The following PAPOLA variants were observed in gnomAD, a reference collection of about 807,000 sequenced individuals.
PAPOLA encodes the protein poly(A) polymerase alpha, also known as polynucleotide adenylyltransferase alpha.
Under a neutral mutation model 100.6 loss-of-function variants are expected in PAPOLA, and 15 were observed. That is an observed-to-expected ratio of 0.15 (90% CI 0.10 to 0.23). PAPOLA has a LOEUF of 0.23. Among genes scored for constraint, PAPOLA ranks in the 10% least tolerant of loss-of-function variants. The pLI is 1.00. For missense variants in PAPOLA, 533 were observed against 884.2 expected, an observed-to-expected ratio of 0.60 and a Z score of 5.04; for synonymous variants, 293 against 300.0, an observed-to-expected ratio of 0.98 and a Z score of 0.24.
At chr14:96,514,125 A>G (rs1897277398) in intron 1 of PAPOLA, among the ~76,000 whole-genome samples, 1 of 151,640 alleles carries the variant, frequency 6.6e-6, no homozygotes, top group Admixed American at 6.6e-5. Flanking sequence ...TGAATGTATG[A>G]CCATTAAACT....
chr14:96,546,250 T>G (rs1488568928), intron 15 of PAPOLA, among the ~76,000 whole-genome samples: 2 of 152,148 alleles, frequency 1.3e-5, no homozygotes, highest in East Asian at 3.8e-4. Flanking sequence ...ACATTGAGGT[T>G]TCTGCTACTT....
intron 4 of PAPOLA, among the ~76,000 whole-genome samples, chr14:96,525,612 G>A (rs951068674): frequency 1.3e-5 from 2 of 152,146 alleles, no homozygotes; most frequent in African/African-American, 2.4e-5. Flanking sequence ...TTAGCTTAGT[G>A]TGGTGACTCA....
At chr14:96,510,850 G>A (rs1002662348) in intron 1 of PAPOLA, among the ~76,000 whole-genome samples, 1 of 152,174 alleles carries the variant, frequency 6.6e-6, no homozygotes, top group African/African-American at 2.4e-5. Flanking sequence ...CGATAATCTT[G>A]CCTGTAAGCT....
At chr14:96,519,479 G>A (rs972968974) in intron 1 of PAPOLA, among the ~76,000 whole-genome samples, 11 of 152,198 alleles carry the variant, frequency 7.2e-5, no homozygotes, top group African/African-American at 2.7e-4. Context: ...ATAGCTGTGT[G>A]TGTGTAAAAT....
Position 96,552,524 on chromosome 14 carries a change from C to T in PAPOLA, c.1566C>T (p.Ser522=), listed in dbSNP as rs752918852. ...GVKLTALNDS[S]LDLSMDSDNS... The stretch of plus-strand genomic sequence containing the variant: ...AATTGACAGCTCTCAATGACAGCAG[C>T]CTCGACTTGTCTATGGACAGTGATA... The change falls in exon 17 of 22, where the codon AGC becomes AGT. Residue 522 remains serine, a synonymous_variant. Transcript: ENST00000216277. 1.2e-6 allele frequency: 2 copies of T among 1,613,708 alleles called. No homozygotes were observed. The highest frequency in any genetic ancestry group is 2.2e-5 in the South Asian group (2 of 91,066).
rs773208212 is a variant in PAPOLA, at chr14:96,542,764, A to G, written c.1170-10A>G. ...AAACTTTTTGTTAATACTAAGTGAC[A>G]TTTGTTCAGGGTGGGCTTGGTGGAA... On this transcript the variant is annotated splice_polypyrimidine_tract_variant and intron_variant, in intron 13 of 21. Transcript: ENST00000216277. 1.9e-6 allele frequency: 3 copies of G among 1,589,128 alleles called. No individual in the cohort carries two copies. Among genetic ancestry groups the G allele is most frequent in the Non-Finnish European group, 1.7e-6 (2 of 1,174,062 alleles).
intron 6 of PAPOLA, among the ~76,000 whole-genome samples, chr14:96,529,988 A>G (rs575557350): frequency 6.6e-6 from 1 of 152,306 alleles, no homozygotes; most frequent in Admixed American, 6.5e-5. Context: ...GGAAAAACAT[A>G]CTGTAGTATT....
chr14:96,543,025 A>G, intron 14 of PAPOLA, 132 bp downstream of exon 14: 2 of 912,670 alleles, frequency 2.2e-6, no homozygotes, highest in Non-Finnish European at 3.3e-6. Context: ...TTTAGAACTT[A>G]TAATTTAGTT....
intron 16 of PAPOLA, among the ~76,000 whole-genome samples, chr14:96,549,585 T>G (rs934521021): frequency 1.3e-5 from 2 of 152,136 alleles, no homozygotes; most frequent in African/African-American, 4.8e-5. Context: ...TACTAAAAAT[T>G]TAGTTAACTA....
At chr14:96,517,565 G>T (rs1015525113) in intron 1 of PAPOLA, among the ~76,000 whole-genome samples, 5 of 151,840 alleles carry the variant, frequency 3.3e-5, no homozygotes, top group Middle Eastern at 3.4e-3. Context: ...CAATAAAACT[G>T]GGGGAAAAAA....
At chr14:96,503,270 A>G (rs1896455467) in intron 1 of PAPOLA, among the ~76,000 whole-genome samples, 1 of 152,042 alleles carries the variant, frequency 6.6e-6, no homozygotes. Context: ...CTCCAAAACG[A>G]CTTATGTATT....
chr14:96,532,872 G>A, intron 9 of PAPOLA: 1 of 1,248,452 alleles, frequency 8.0e-7, no homozygotes, highest in Non-Finnish European at 1.0e-6. Context: ...GTACTTCCTT[G>A]CATAAACTTA....
At chr14:96,533,877 C>T (rs1566850447) in intron 9 of PAPOLA, 12 of 985,414 alleles carry the variant, frequency 1.2e-5, no homozygotes, top group Non-Finnish European at 1.4e-5. Flanking sequence ...TAATGCTACA[C>T]ATATATAAGC....
At chr14:96,535,748 T>G in intron 10 of PAPOLA, 131 bp from the exon 11 acceptor site, 1 of 912,588 alleles carries the variant, frequency 1.1e-6, no homozygotes, top group Non-Finnish European at 1.5e-6. Flanking sequence ...TCTACATGGT[T>G]TTTCTTTCTC....
intron 16 of PAPOLA, 73 bp downstream of exon 16, chr14:96,547,991 A>C: frequency 7.8e-7 from 1 of 1,287,306 alleles, no homozygotes; most frequent in Middle Eastern, 2.6e-4. Flanking sequence ...ATTATTTCAG[A>C]ATTTAGGCTC....
chr14:96,523,960 A>G (rs1201704186), intron 3 of PAPOLA, among the ~76,000 whole-genome samples: 3 of 152,000 alleles, frequency 2.0e-5, no homozygotes, highest in African/African-American at 7.3e-5. Flanking sequence ...AAAAAAAAAA[A>G]AATTACACAC....
chr14:96,537,999 A>G (rs1212067017), intron 12 of PAPOLA: 1 of 152,050 alleles, frequency 6.6e-6, no homozygotes, highest in Non-Finnish European at 1.5e-5. Flanking sequence ...GTCAGTAAAA[A>G]TTAAAATAGC....
intron 1 of PAPOLA, among the ~76,000 whole-genome samples, chr14:96,510,590 C>T (rs1415708758): frequency 3.9e-5 from 6 of 152,218 alleles, no homozygotes; most frequent in African/African-American, 1.2e-4. Context: ...TCTGCATAAG[C>T]AACCTTGAAT....
intron 19 of PAPOLA, among the ~76,000 whole-genome samples, chr14:96,558,471 T>C (rs190548851): frequency 6.6e-6 from 1 of 152,324 alleles, no homozygotes; most frequent in Admixed American, 6.5e-5. Flanking sequence ...AATAAGTTTG[T>C]ACTAGTGCAG....
Sources: gnomAD v4.1 joint callset for allele counts (sites outside exome capture counted in the v4.1 genomes callset) on GRCh38, gnomAD v4.1.1 for gene constraint, MANE v1.5 for transcripts, NCBI Gene and HGNC (gene_info 2026-07-23, HGNC 2026-07-21) for gene names.